SPG11: variants seen among roughly 807,000 people sequenced by gnomAD.
SPG11 encodes SPG11 vesicle trafficking associated, spatacsin, also known as spatacsin.
A neutral mutation model predicts 274.0 loss-of-function variants in SPG11; 222 were observed. The ratio of observed to expected loss-of-function variants is 0.81; its 90% CI spans 0.73 to 0.91. The LOEUF (loss-of-function observed/expected upper bound fraction) is 0.91, where lower values mean the gene tolerates loss of function less well. Among genes scored for constraint, SPG11 ranks in the 40% least tolerant of loss-of-function variants. The pLI, the probability that SPG11 is intolerant of heterozygous loss-of-function variation, is 0.00. For synonymous variants in SPG11, 1,144 were observed against 1,039.7 expected (o/e 1.10, Z -1.93); for missense variants, 3,114 against 2,872.7 (o/e 1.08, Z -1.92).
intron 35 of SPG11, among the ~76,000 whole-genome samples, chr15:44,568,206 T>C (rs2082348258): frequency 6.6e-6 from 1 of 152,254 alleles, no homozygotes; most frequent in Non-Finnish European, 1.5e-5. Flanking sequence ...TGTGTTGTTC[T>C]GTTTTCCAAG....
At chr15:44,577,437 A>G (rs1454402398) in intron 30 of SPG11, among the ~76,000 whole-genome samples, 1 of 143,730 alleles carries the variant, frequency 7.0e-6, no homozygotes, top group Non-Finnish European at 1.5e-5. Context: ...CTGGAGGTTG[A>G]GTCTGCAGTG....
At chr15:44,574,012 TTGGGAGGGG>T (rs2082482616) in intron 31 of SPG11, among the ~76,000 whole-genome samples, 1 of 151,532 alleles carries the variant, frequency 6.6e-6, no homozygotes, top group African/African-American at 2.4e-5. Flanking sequence ...GGCGGCAGGG[TTGGGAGGGG>T]TGGCAGAGTT....
intron 15 of SPG11, among the ~76,000 whole-genome samples, chr15:44,618,299 G>A (rs1227229742): frequency 6.6e-6 from 1 of 151,444 alleles, no homozygotes; most frequent in Non-Finnish European, 1.5e-5. Flanking sequence ...ACGAGGTCAG[G>A]AGATTGAGAC....
At chr15:44,607,362 A>G (rs908722991) in intron 19 of SPG11, among the ~76,000 whole-genome samples, 3 of 152,178 alleles carry the variant, frequency 2.0e-5, no homozygotes, top group Admixed American at 2.0e-4. Flanking sequence ...GCTTACTGCA[A>G]CTTTCGCCTC....
At chr15:44,634,755 T>A (rs2084188054) in intron 7 of SPG11, among the ~76,000 whole-genome samples, 2 of 151,900 alleles carry the variant, frequency 1.3e-5, no homozygotes, top group Non-Finnish European at 2.9e-5. Context: ...CTCAGCTAAT[T>A]TAACAGAAAC....
At chr15:44,583,065 A>C (rs2082686957) in intron 30 of SPG11, among the ~76,000 whole-genome samples, 1 of 150,494 alleles carries the variant, frequency 6.6e-6, no homozygotes, top group South Asian at 2.1e-4. Flanking sequence ...CAGATTGGAA[A>C]GGCAGAAATA....
At chr15:44,659,365 G>T (rs1359999211) in intron 2 of SPG11, 62 bp from the exon 3 acceptor site, 2 of 1,399,314 alleles carry the variant, frequency 1.4e-6, no homozygotes, top group Non-Finnish European at 1.0e-6. Flanking sequence ...TGGTACATTT[G>T]ATTTGATAAA....
At position 44,634,000 on chromosome 15, in the gene SPG11, G is replaced by A. The variant is rs541067276; in HGVS notation, c.1603-363C>T. Among the ~76,000 whole-genome samples the A allele has an allele frequency of 1.8e-4, 27 of 152,062 alleles. No individual in the cohort carries two copies. In the South Asian group the frequency reaches 3.3e-3, roughly 19 times the overall value. On this transcript the variant is annotated intron_variant, in intron 7 of 39. Coordinates refer to ENST00000261866, the MANE Select transcript of SPG11 (RefSeq NM_025137.4). ...ATTACAGGTGCCCGCCACCATGTCC[G>A]GCTAAATTTTGTATTTTTAGTAGAG... is the stretch of plus-strand genomic sequence containing the variant.
chr15:44,625,672 A>C (rs781149002), intron 11 of SPG11, among the ~76,000 whole-genome samples: 4 of 151,952 alleles, frequency 2.6e-5, no homozygotes, highest in Admixed American at 6.6e-5. Flanking sequence ...CAGGTAGTTC[A>C]TTATTATTTA....
intron 19 of SPG11, among the ~76,000 whole-genome samples, chr15:44,607,866 T>C (rs1040908903): frequency 1.1e-4 from 16 of 152,302 alleles, no homozygotes; most frequent in Middle Eastern, 3.4e-3. Flanking sequence ...TGAGAAGAGA[T>C]AGTTAGAAGT....
At chr15:44,661,791 T>C (rs1378648914) in intron 1 of SPG11, among the ~76,000 whole-genome samples, 4 of 152,254 alleles carry the variant, frequency 2.6e-5, no homozygotes, top group Admixed American at 6.5e-5. Context: ...AAACAAGATA[T>C]ATGATGTAAT....
chr15:44,619,636 C>A (rs1017910341), intron 15 of SPG11, among the ~76,000 whole-genome samples: 2 of 152,090 alleles, frequency 1.3e-5, no homozygotes, highest in African/African-American at 4.8e-5. Context: ...CATTTCTATA[C>A]CAAAGTGCAT....
intron 11 of SPG11, among the ~76,000 whole-genome samples, chr15:44,623,663 A>T (rs1012941910): frequency 1.3e-4 from 20 of 152,212 alleles, no homozygotes; most frequent in African/African-American, 4.6e-4. Context: ...ACAAATAATG[A>T]GCTCCTATGC....
At chr15:44,611,607 A>G (rs1347824826) in intron 17 of SPG11, among the ~76,000 whole-genome samples, 1 of 152,178 alleles carries the variant, frequency 6.6e-6, no homozygotes, top group Non-Finnish European at 1.5e-5. Flanking sequence ...TTGACCCAAT[A>G]GTTTTATATC....
Position 44,649,076 on chromosome 15 carries a change from T to C in SPG11, c.1457-65A>G, listed in dbSNP as rs540124436. 10 of 1,349,564 alleles carry C rather than the reference T, an allele frequency of 7.4e-6. No individual in the cohort carries two copies. In the East Asian group the frequency reaches 1.7e-4, roughly 22 times the overall value. The allele number at this position is 1,349,564 out of a possible 1,614,324, so 83.6% of individuals were successfully genotyped here. A position where few individuals can be genotyped will look rare whatever the true frequency, so the allele number is the denominator to read the frequency against. On this transcript the variant is annotated intron_variant, in intron 6 of 39. Transcript: ENST00000261866. ...AGATTTTAGGATTATGATTTAGGAA[T>C]TGATTTTTAATTACTCAATACTTCA...
chr15:44,622,324 A>G lies in SPG11; in HGVS notation c.2340T>C (p.Asn780=). ...TTCTTTTCTCTTTTTCAGAAAAATAATTTTTTTCTTTTAAAATTTCAACCT... is the reference window on the plus strand; with the variant it reads ...TTCTTTTCTCTTTTTCAGAAAAATAGTTTTTTTCTTTTAAAATTTCAACCT... The part of the protein sequence containing the change: ...DFLVEILKEK[N]YFSEKEKRTI... Residue 780 remains asparagine (N), a synonymous_variant, in exon 13 of 40, where the codon AAT becomes AAC. Transcript: ENST00000261866. 3.2e-6 allele frequency: 5 copies of G among 1,554,874 alleles called. No individual in the cohort carries two copies. Among genetic ancestry groups the G allele is most frequent in the African/African-American group, 1.4e-5 (1 of 73,002 alleles).
chr15:44,652,309 C>A (rs368196603), intron 4 of SPG11, 43 bp from the exon 5 acceptor site: 1 of 1,609,138 alleles, frequency 6.2e-7, no homozygotes, highest in South Asian at 1.1e-5. Flanking sequence ...AAATGATGAT[C>A]AAACCCAAAT....
chr15:44,654,099 A>G lies in SPG11; in HGVS notation c.870-1833T>C, dbSNP rs561746336. Among the ~76,000 whole-genome samples, 24 of 152,314 alleles carry G rather than the reference A, an allele frequency of 1.6e-4. 1 individual carries two copies. Among genetic ancestry groups the G allele is most frequent in the Non-Finnish European group, 2.4e-4 (16 of 68,020 alleles). ...CTCCGGAGTAGCTGAGACCACAGGC[A>G]TGTACTACCATGCCCAGTTTAGCCT... On this transcript the variant is annotated intron_variant, in intron 4 of 39. Transcript: ENST00000261866.
intron 35 of SPG11, among the ~76,000 whole-genome samples, chr15:44,568,463 G>A (rs184441986): frequency 5.9e-5 from 9 of 152,228 alleles, no homozygotes; most frequent in African/African-American, 2.2e-4. Context: ...CATGTTCCCA[G>A]AAGCCAAAGG....
Sources: gnomAD v4.1 joint callset for allele counts (sites outside exome capture counted in the v4.1 genomes callset) on GRCh38, gnomAD v4.1.1 for gene constraint, MANE v1.5 for transcripts, NCBI Gene and HGNC (gene_info 2026-07-23, HGNC 2026-07-21) for gene names.